Variants in STAT5A observed in about 807,000 individuals in gnomAD.
STAT5A encodes signal transducer and activator of transcription 5A.
Under a neutral mutation model 100.2 loss-of-function variants are expected in STAT5A, and 26 were observed. The ratio of observed to expected loss-of-function variants is 0.26; its 90% CI spans 0.19 to 0.36. The LOEUF is 0.36. Ranked by LOEUF, STAT5A falls within the 10% of genes least tolerant of loss-of-function variation. STAT5A has a pLI of 1.00. For synonymous variants in STAT5A, 330 were observed against 424.3 expected (o/e 0.78, Z 2.73); for missense variants, 634 against 1,027.5 (o/e 0.62, Z 5.24).
intron 5 of STAT5A, among the ~76,000 whole-genome samples, chr17:42,298,722 C>T (rs1012102851): frequency 2.0e-5 from 3 of 150,414 alleles, no homozygotes; most frequent in South Asian, 2.1e-4. Context: ...CACCTGACCT[C>T]GTGATCTGCC....
chr17:42,301,244 C>T, intron 8 of STAT5A, 31 bp from the exon 9 acceptor site: 1 of 1,606,512 alleles, frequency 6.2e-7, no homozygotes, highest in Non-Finnish European at 8.5e-7. Context: ...GCCAACCCCT[C>T]ATCGTGTGTC....
At chr17:42,303,452 G>C (rs771117595) in intron 9 of STAT5A, among the ~76,000 whole-genome samples, 4 of 152,218 alleles carry the variant, frequency 2.6e-5, no homozygotes, top group Non-Finnish European at 4.4e-5. Context: ...GCTCACGCCT[G>C]TAATCCCAGC....
chr17:42,300,712 C>T lies in STAT5A; in HGVS notation c.834-3C>T. 6.2e-7 allele frequency: 1 copy of T among 1,613,714 alleles called. No homozygotes were observed. The highest frequency in any genetic ancestry group is 8.5e-7 in the Non-Finnish European group (1 of 1,179,808). ...TCCTGTTGGCCTTGGGGCTCTCGTG[C>T]AGGTGTGAGAAGTTGGCCGAGATCA... On this transcript the variant is annotated splice_region_variant and splice_polypyrimidine_tract_variant and intron_variant, in intron 7 of 18. Coordinates refer to ENST00000590949, the MANE Select transcript of STAT5A (RefSeq NM_001288718.2).
At chr17:42,289,602 A>G in intron 2 of STAT5A, 63 bp downstream of exon 2, 1 of 1,569,440 alleles carries the variant, frequency 6.4e-7, no homozygotes, top group Non-Finnish European at 8.6e-7. Context: ...TTTGGCCTCT[A>G]GTTTTACTCA....
Position 42,289,504 on chromosome 17 carries a change from G to T in STAT5A, c.93G>T (p.Arg31=). ...GCCAGCACTTCCCCATCGAGGTCCG[G>T]CACTACTTGGCCCAGTGGATTGAGA... ...LYGQHFPIEV[R]HYLAQWIESQ... Residue 31 remains arginine (R), a synonymous_variant, in exon 2 of 19, where the codon CGG becomes CGT. Coordinates refer to ENST00000590949, the MANE Select transcript of STAT5A (RefSeq NM_001288718.2). 1 of 1,613,266 alleles carries T rather than the reference G, an allele frequency of 6.2e-7. No homozygotes were observed. The highest frequency in any genetic ancestry group is 8.5e-7 in the Non-Finnish European group (1 of 1,179,904).
chr17:42,291,834 G>A (rs1004454750), intron 3 of STAT5A, 138 bp from the exon 4 acceptor site: 1 of 750,486 alleles, frequency 1.3e-6, no homozygotes, highest in Non-Finnish European at 2.2e-6. Context: ...GAGATATAGA[G>A]GTGTCTGGGG....
At chr17:42,294,087 G>T (rs1052108840) in intron 4 of STAT5A, among the ~76,000 whole-genome samples, 5 of 152,112 alleles carry the variant, frequency 3.3e-5, no homozygotes, top group African/African-American at 1.2e-4. Context: ...GTGGTGGCGG[G>T]CGCCTGTAAT....
Position 42,301,341 on chromosome 17 carries a change from A to G in STAT5A, c.1056A>G (p.Val352=), listed in dbSNP as rs746823742. ...LKTQTKFAAT[V]RLLVGGKLNV... ...CCCAGACCAAGTTTGCAGCCACCGT[A>G]CGCCTGCTGGTGGGCGGGAAGCTGA... The change falls in exon 9 of 19, where the codon GTA becomes GTG. Residue 352 remains valine (V), a synonymous_variant. Transcript: ENST00000590949. The G allele has an allele frequency of 2.7e-5, 44 of 1,614,008 alleles. No individual in the cohort carries two copies. The highest frequency in any genetic ancestry group is 6.7e-5 in the African/African-American group (5 of 74,904).
Position 42,308,792 on chromosome 17 carries a change from CAG to C in STAT5A, c.2063-254_2063-253del, listed in dbSNP as rs370513526. 1.7e-3 allele frequency: 971 copies of C among 563,034 alleles called. 11 individuals carry two copies. Among genetic ancestry groups the C allele is most frequent in the African/African-American group, 0.013 (670 of 53,308 alleles). 34.9% of individuals were successfully genotyped at this position (563,034 alleles called of 1,614,324 possible). On this transcript the variant is annotated intron_variant, in intron 16 of 18. Transcript: ENST00000590949. The surrounding 1 kb of genome is among the most constrained non-coding windows in gnomAD (Gnocchi z 4.6). ...TTGCTTGTTGATTCTCATTCTTTGACAGGGGTGGGAGCAGGGAGAGGGAAATC... is the reference window on the plus strand; with the variant it reads ...TTGCTTGTTGATTCTCATTCTTTGACGGGTGGGAGCAGGGAGAGGGAAATC...
At chr17:42,293,054 T>TA (rs2080886446) in intron 4 of STAT5A, among the ~76,000 whole-genome samples, 1 of 152,126 alleles carries the variant, frequency 6.6e-6, no homozygotes, top group South Asian at 2.1e-4. Context: ...AGTTCTGAAA[T>TA]AATAAAGGCA....
intron 9 of STAT5A, among the ~76,000 whole-genome samples, chr17:42,302,839 C>T (rs961236954): frequency 3.9e-5 from 6 of 151,918 alleles, no homozygotes; most frequent in African/African-American, 1.5e-4. Context: ...ACCTCTAGTC[C>T]TAACTACCAA....
Position 42,308,831 on chromosome 17 carries a change from A to G in STAT5A, c.2063-216A>G. 1 of 614,898 alleles carries G rather than the reference A, an allele frequency of 1.6e-6. No individual in the cohort carries two copies. Among genetic ancestry groups the G allele is most frequent in the South Asian group, 2.0e-5 (1 of 49,188 alleles). 38.1% of individuals were successfully genotyped at this position (614,898 alleles called of 1,614,324 possible). ...GGGAGAGGGAAATCAGATGGCCAGA[A>G]AAAGAACCAGAAGGAATGGGATTCA... On this transcript the variant is annotated intron_variant, in intron 16 of 18. Transcript: ENST00000590949. The surrounding 1 kb of genome is among the most constrained non-coding windows in gnomAD (Gnocchi z 4.6).
Position 42,308,745 on chromosome 17 carries a change from G to T in STAT5A, c.2063-302G>T. 1.9e-6 allele frequency: 1 copy of T among 517,162 alleles called. No homozygotes were observed. The highest frequency in any genetic ancestry group is 3.5e-6 in the Non-Finnish European group (1 of 288,224). The allele number at this position is 517,162 out of a possible 1,614,324, so 32.0% of individuals were successfully genotyped here. A position where few individuals can be genotyped will look rare whatever the true frequency, so the allele number is the denominator to read the frequency against. ...GGGAGAAGTCTCTCTTCTTCCAGCT[G>T]CCCCAAATCCATTGGTTGGGTTTGC... On this transcript the variant is annotated intron_variant, in intron 16 of 18. Transcript: ENST00000590949. This position sits in a 1 kb window ranked among gnomAD's most constrained non-coding sequence, Gnocchi z 4.6.
intron 5 of STAT5A, among the ~76,000 whole-genome samples, chr17:42,296,024 C>A (rs1429202726): frequency 6.6e-6 from 1 of 152,186 alleles, no homozygotes; most frequent in East Asian, 1.9e-4. Flanking sequence ...GTTATCCCCC[C>A]TTTTGCAGAT....
chr17:42,301,139 G>A (rs568253147), intron 8 of STAT5A, 136 bp from the exon 9 acceptor site: 26 of 1,437,396 alleles, frequency 1.8e-5, no homozygotes, highest in East Asian at 6.9e-5. Flanking sequence ...CAGCTTCCCC[G>A]GGAACAGAGG....
chr17:42,293,029 G>A (rs1191745597), intron 4 of STAT5A, among the ~76,000 whole-genome samples: 1 of 152,188 alleles, frequency 6.6e-6, no homozygotes, highest in East Asian at 1.9e-4. Flanking sequence ...AGGGGTAACA[G>A]GGACACATCT....
At position 42,290,431 on chromosome 17, in the gene STAT5A, A is replaced by C. The variant is rs535503468; in HGVS notation, c.285+409A>C. On this transcript the variant is annotated intron_variant, in intron 3 of 18. Coordinates refer to ENST00000590949, the MANE Select transcript of STAT5A (RefSeq NM_001288718.2). ...ACAAGAGCTGGACACAAGGGCTTTGAATTGAGGGTTTAGAAATAAGATGTA... is the reference window on the plus strand; with the variant it reads ...ACAAGAGCTGGACACAAGGGCTTTGCATTGAGGGTTTAGAAATAAGATGTA... Among the ~76,000 whole-genome samples, 9 of 152,214 alleles carry C rather than the reference A, an allele frequency of 5.9e-5. No individual in the cohort carries two copies. The East Asian group carries it at 1.5e-3, about 26-fold the overall frequency.
At chr17:42,309,558 G>A (rs1053386241) in intron 18 of STAT5A, 74 bp downstream of exon 18, 68 of 1,477,650 alleles carry the variant, frequency 4.6e-5, no homozygotes, top group Non-Finnish European at 6.1e-5. Context: ...CTGGAGGGCT[G>A]GCGGGCAAAG....
rs769309129 is a variant in STAT5A at position 42,306,369 on chromosome 17, G to A, written c.1602G>A (p.Ala534=). The A allele has an allele frequency of 1.3e-4, 204 of 1,614,020 alleles. No homozygotes were observed. The highest frequency in any genetic ancestry group is 7.1e-4 in the East Asian group (32 of 44,892). The stretch of plus-strand genomic sequence containing the variant: ...CCAAGGAGAACCTCGTGTTCCTGGC[G>A]CAGAAACTGTTCAACAACAGCAGCA... ...GLTKENLVFL[A]QKLFNNSSSH... Residue 534 remains alanine, a synonymous_variant, in exon 13 of 19, where the codon GCG becomes GCA. Coordinates refer to ENST00000590949, the MANE Select transcript of STAT5A (RefSeq NM_001288718.2).
Sources: allele counts gnomAD v4.1 joint callset (sites outside exome capture counted in the v4.1 genomes callset), GRCh38; gene constraint gnomAD v4.1.1; non-coding constraint Gnocchi (gnomAD v3.1); transcripts MANE v1.5; gene names NCBI Gene and HGNC (gene_info 2026-07-23, HGNC 2026-07-21).